Variants in GIGYF2 observed in about 807,000 individuals in gnomAD.
GIGYF2 encodes GRB10-interacting GYF protein 2.
GIGYF2 carries 25 observed loss-of-function variants against 208.1 expected under a neutral mutation model. The observed-to-expected ratio is 0.12, with a 90% CI of 0.09 to 0.17. The LOEUF (loss-of-function observed/expected upper bound fraction) is 0.17, where lower values mean the gene tolerates loss of function less well. Ranked by LOEUF, GIGYF2 falls within the 10% of genes least tolerant of loss-of-function variation. GIGYF2 has a pLI of 1.00. For synonymous variants in GIGYF2, 534 were observed against 543.8 expected (o/e 0.98, Z 0.25); for missense variants, 1,302 against 1,579.4 (o/e 0.82, Z 2.98).
chr2:232,793,575 C>T (rs7560044), intron 12 of GIGYF2, among the ~76,000 whole-genome samples: 5 of 152,048 alleles, frequency 3.3e-5, no homozygotes, highest in East Asian at 3.9e-4. Context: ...GAGGTGTTGA[C>T]GAGAAGAAGT....
rs1259554118 is a variant in GIGYF2, at chr2:232,720,832, C to T, written c.-43-14323C>T. On this transcript the variant is annotated intron_variant, in intron 2 of 28. Coordinates refer to ENST00000373563, the MANE Select transcript of GIGYF2 (RefSeq NM_001103146.3). Reference sequence around the variant, plus strand: ...CTGGTTTCGAACTCCTGGCCTCAATCGATCTGCCCACCTCAGCCTCCCAAA... The same window carrying T: ...CTGGTTTCGAACTCCTGGCCTCAATTGATCTGCCCACCTCAGCCTCCCAAA... 2.0e-5 allele frequency among the ~76,000 whole-genome samples: 3 copies of T among 152,012 alleles called. No individual in the cohort carries two copies. In the South Asian group the frequency reaches 6.2e-4, roughly 32 times the overall value.
In GIGYF2 at chr2:232,809,691, T is replaced by G. The variant is rs374454161; in HGVS notation, c.1807-29T>G. 6 of 1,305,026 alleles carry G rather than the reference T, an allele frequency of 4.6e-6. No homozygotes were observed. In the African/African-American group the frequency reaches 8.7e-5, roughly 19 times the overall value. The allele number at this position is 1,305,026 out of a possible 1,614,324, so 80.8% of individuals were successfully genotyped here. ...AGGTTCTTTGCAGTTTATTTAATGGTATTTATTTCCTCACCACTTCATTCC... is the reference window on the plus strand; with the variant it reads ...AGGTTCTTTGCAGTTTATTTAATGGGATTTATTTCCTCACCACTTCATTCC... On this transcript the variant is annotated intron_variant, in intron 15 of 28. Coordinates refer to ENST00000373563, the MANE Select transcript of GIGYF2 (RefSeq NM_001103146.3).
chr2:232,705,399 A>G (rs891264065), intron 2 of GIGYF2: 7 of 151,716 alleles, frequency 4.6e-5, no homozygotes, highest in Non-Finnish European at 1.0e-4. Flanking sequence ...AGTCCTGTGT[A>G]TTTATTTTTA....
intron 2 of GIGYF2, among the ~76,000 whole-genome samples, chr2:232,709,981 A>T (rs542004162): frequency 3.4e-4 from 52 of 151,144 alleles, no homozygotes; most frequent in African/African-American, 1.2e-3. Flanking sequence ...TTTATTTGAG[A>T]TGGAGTCTTG....
intron 23 of GIGYF2, among the ~76,000 whole-genome samples, chr2:232,843,639 C>T (rs957397303): frequency 3.3e-5 from 5 of 151,516 alleles, no homozygotes; most frequent in Admixed American, 6.6e-5. Flanking sequence ...TTTGGGAAGC[C>T]GAGGTGGGCA....
intron 3 of GIGYF2, among the ~76,000 whole-genome samples, chr2:232,740,459 C>G (rs1445117155): frequency 1.3e-5 from 2 of 152,200 alleles, no homozygotes; most frequent in African/African-American, 4.8e-5. Flanking sequence ...TTTCCCAGGT[C>G]TTTCCTTGCA....
At position 232,794,807 on chromosome 2, in the gene GIGYF2, C is replaced by T; in HGVS notation, c.1342C>T (p.Leu448Phe). 3 of 1,613,896 alleles carry T rather than the reference C, an allele frequency of 1.9e-6. No homozygotes were observed. The highest frequency in any genetic ancestry group is 2.5e-6 in the Non-Finnish European group (3 of 1,179,796). The change falls in exon 13 of 29, where the codon CTT (leucine) becomes TTT (phenylalanine). Residue 448 changes from leucine (L) to phenylalanine (F), a missense_variant. Around this residue, in one of 8 missense-constraint regions of GIGYF2, gnomAD observed 235 missense variants for 218.8 expected, o/e 1.07. Coordinates refer to ENST00000373563, the MANE Select transcript of GIGYF2 (RefSeq NM_001103146.3). ...SQIPSDTASP[L>F]LILPPPVPNP... ...GATTCCTTCAGATACAGCCTCTCCT[C>T]TTCTCATACTTCCACCTCCTGTTCC...
At chr2:232,741,093 A>G (rs1171921899) in intron 3 of GIGYF2, among the ~76,000 whole-genome samples, 1 of 152,226 alleles carries the variant, frequency 6.6e-6, no homozygotes, top group Non-Finnish European at 1.5e-5. Flanking sequence ...AGCACGGGAT[A>G]TTCAGCTGCC....
chr2:232,802,898 AT>A (rs35474409), intron 14 of GIGYF2, among the ~76,000 whole-genome samples: 12,563 of 143,682 alleles, frequency 0.087, 641 homozygotes, highest in East Asian at 0.18. Context: ...TTGTCCAGAG[AT>A]TTTTTTTTTT....
At chr2:232,704,856 ATTTTTTT>A (rs10689292) in intron 2 of GIGYF2, among the ~76,000 whole-genome samples, 3 of 101,958 alleles carry the variant, frequency 2.9e-5, no homozygotes, top group African/African-American at 3.9e-5. Flanking sequence ...TAACTTCTGG[ATTTTTTT>A]TTTTTTTTTT....
intron 2 of GIGYF2, among the ~76,000 whole-genome samples, chr2:232,716,614 C>T (rs1696693504): frequency 6.6e-6 from 1 of 151,954 alleles, no homozygotes. Flanking sequence ...GAACTCCTGG[C>T]CTCATGTGAT....
intron 2 of GIGYF2, among the ~76,000 whole-genome samples, chr2:232,717,327 A>G (rs760980321): frequency 7.9e-5 from 12 of 152,128 alleles, no homozygotes; most frequent in Non-Finnish European, 1.6e-4. Context: ...AAACAATAAT[A>G]ATAATTGATA....
chr2:232,818,186 T>C (rs1700970949), intron 20 of GIGYF2, among the ~76,000 whole-genome samples: 1 of 152,216 alleles, frequency 6.6e-6, no homozygotes, highest in Non-Finnish European at 1.5e-5. Context: ...TCAAATGTAC[T>C]TTAAAAAAGT....
chr2:232,755,457 C>G (rs1344907450), intron 5 of GIGYF2, among the ~76,000 whole-genome samples: 1 of 152,190 alleles, frequency 6.6e-6, no homozygotes, highest in South Asian at 2.1e-4. Flanking sequence ...CATGAACCAC[C>G]ACGCCTGGCC....
At chr2:232,845,145 G>C (rs1373113930) in intron 25 of GIGYF2, among the ~76,000 whole-genome samples, 1 of 152,156 alleles carries the variant, frequency 6.6e-6, no homozygotes, top group Non-Finnish European at 1.5e-5. Flanking sequence ...TTGGGCCTCA[G>C]TTCCCTCATC....
chr2:232,756,658 A>G (rs1698555489), intron 6 of GIGYF2, among the ~76,000 whole-genome samples: 1 of 152,142 alleles, frequency 6.6e-6, no homozygotes, highest in African/African-American at 2.4e-5. Context: ...GAAGTGTCTT[A>G]ACTATGGAAG....
chr2:232,745,274 A>G (rs1003478735), intron 3 of GIGYF2, among the ~76,000 whole-genome samples: 3 of 152,172 alleles, frequency 2.0e-5, no homozygotes, highest in Non-Finnish European at 2.9e-5. Flanking sequence ...TGGTATTTCT[A>G]TAAATGAAAG....
chr2:232,724,555 A>T (rs1697109828), intron 2 of GIGYF2: 1 of 147,390 alleles, frequency 6.8e-6, no homozygotes, highest in African/African-American at 2.5e-5. Context: ...TATCTGAAAC[A>T]TTTTTTTTTT....
At chr2:232,792,552 A>G (rs1380746282) in intron 12 of GIGYF2, among the ~76,000 whole-genome samples, 1 of 152,136 alleles carries the variant, frequency 6.6e-6, no homozygotes, top group Non-Finnish European at 1.5e-5. Context: ...AGTGTGGACA[A>G]CATAGCAATA....
Sources: gnomAD v4.1 joint callset for allele counts (sites outside exome capture counted in the v4.1 genomes callset) on GRCh38, gnomAD v4.1.1 for gene constraint, gnomAD v4.1.1 regional missense constraint, MANE v1.5 for transcripts, NCBI Gene and HGNC (gene_info 2026-07-23, HGNC 2026-07-21) for gene names.